Variants in SPATA17 observed in about 807,000 individuals in gnomAD.
SPATA17 encodes the protein spermatogenesis-associated protein 17.
SPATA17 carries 53 observed loss-of-function variants against 62.2 expected under a neutral mutation model. That is an observed-to-expected ratio of 0.85 (90% CI 0.68 to 1.07). The LOEUF (loss-of-function observed/expected upper bound fraction) is 1.07, where lower values mean the gene tolerates loss of function less well. Among genes scored for constraint, SPATA17 ranks in the 50% least tolerant of loss-of-function variants. SPATA17 has a pLI of 0.00. For missense variants in SPATA17, 466 were observed against 425.5 expected (o/e 1.10, Z -0.84); for synonymous variants, 146 against 146.8 (o/e 0.99, Z 0.04).
At chr1:217,865,326 A>T (rs996201468) in intron 10 of SPATA17, among the ~76,000 whole-genome samples, 7 of 152,210 alleles carry the variant, frequency 4.6e-5, no homozygotes, top group African/African-American at 1.7e-4. Flanking sequence ...CATCAGTCCG[A>T]TTAGAAATAG....
At chr1:217,665,973 T>C (rs1670685667) in intron 3 of SPATA17, among the ~76,000 whole-genome samples, 1 of 152,194 alleles carries the variant, frequency 6.6e-6, no homozygotes, top group African/African-American at 2.4e-5. Context: ...CTGATGTAAA[T>C]GCAAGACATC....
At chr1:217,647,953 C>T (rs1670226784) in intron 1 of SPATA17, among the ~76,000 whole-genome samples, 1 of 152,036 alleles carries the variant, frequency 6.6e-6, no homozygotes, top group Non-Finnish European at 1.5e-5. Context: ...GAAATCCTGA[C>T]CTCAGATGAT....
intron 6 of SPATA17, among the ~76,000 whole-genome samples, chr1:217,746,288 T>C (rs1217690209): frequency 6.6e-6 from 1 of 152,008 alleles, no homozygotes; most frequent in African/African-American, 2.4e-5. Flanking sequence ...AAAAGCTTTA[T>C]TGATCTGCTT....
intron 3 of SPATA17, among the ~76,000 whole-genome samples, chr1:217,657,104 G>C (rs866078417): frequency 6.6e-6 from 1 of 152,102 alleles, no homozygotes; most frequent in Non-Finnish European, 1.5e-5. Context: ...AATCCTTAGA[G>C]GACTCTATGG....
At chr1:217,831,794 T>C (rs1675148969) in intron 9 of SPATA17, among the ~76,000 whole-genome samples, 1 of 152,170 alleles carries the variant, frequency 6.6e-6, no homozygotes, top group Non-Finnish European at 1.5e-5. Context: ...ACATTTATTA[T>C]GGCAGTAATG....
chr1:217,807,545 C>T (rs912949276), intron 9 of SPATA17, among the ~76,000 whole-genome samples: 1 of 151,994 alleles, frequency 6.6e-6, no homozygotes, highest in African/African-American at 2.4e-5. Flanking sequence ...TATGGCTCAT[C>T]GTATTATGTT....
intron 3 of SPATA17, among the ~76,000 whole-genome samples, chr1:217,664,921 T>C (rs887971614): frequency 6.6e-6 from 1 of 152,010 alleles, no homozygotes; most frequent in Admixed American, 6.6e-5. Flanking sequence ...AGATAGGATT[T>C]GGACAGCTAA....
intron 5 of SPATA17, among the ~76,000 whole-genome samples, chr1:217,726,779 T>C (rs1396009051): frequency 1.3e-5 from 2 of 152,132 alleles, no homozygotes; most frequent in Non-Finnish European, 2.9e-5. Context: ...ACATATTCAT[T>C]GTCTTTCCTA....
chr1:217,797,952 C>T (rs1197217368), intron 8 of SPATA17, among the ~76,000 whole-genome samples: 1 of 152,176 alleles, frequency 6.6e-6, no homozygotes, highest in Non-Finnish European at 1.5e-5. Context: ...TGACCCCTAG[C>T]AGCCCATCCT....
chr1:217,680,693 G>T (rs1042838077), intron 4 of SPATA17, among the ~76,000 whole-genome samples: 32 of 152,080 alleles, frequency 2.1e-4, no homozygotes, highest in African/African-American at 7.0e-4. Flanking sequence ...GGGAGGCCAA[G>T]GCGGGAGGAT....
In SPATA17 at chr1:217,761,581, G is replaced by A. The variant is rs115098863; in HGVS notation, c.520-12753G>A. Among the ~76,000 whole-genome samples the A allele has an allele frequency of 7.6e-3, 1,157 of 152,272 alleles. 11 individuals are homozygous for A. The highest frequency in any genetic ancestry group is 0.026 in the African/African-American group (1,090 of 41,530). ...GAAGAGCAGGAATCAGTCTTGAGAG[G>A]TTGCAGATAAAGGAGATCAATGAAG... On this transcript the variant is annotated intron_variant, in intron 6 of 10. Coordinates refer to ENST00000366933, the MANE Select transcript of SPATA17 (RefSeq NM_138796.4).
At chr1:217,783,402 A>C (rs116195480) in intron 8 of SPATA17, among the ~76,000 whole-genome samples, 234 of 152,128 alleles carry the variant, frequency 1.5e-3, no homozygotes, top group African/African-American at 5.4e-3. Flanking sequence ...CTTTATAGCA[A>C]TTACTTGAAG....
At chr1:217,736,137 A>G (rs913258731) in intron 5 of SPATA17, among the ~76,000 whole-genome samples, 1 of 152,174 alleles carries the variant, frequency 6.6e-6, no homozygotes, top group African/African-American at 2.4e-5. Context: ...CAAGGAAAAG[A>G]AAATCTGCAA....
At chr1:217,711,538 C>A (rs1441887779) in intron 5 of SPATA17, among the ~76,000 whole-genome samples, 2 of 152,140 alleles carry the variant, frequency 1.3e-5, no homozygotes, top group East Asian at 3.8e-4. Context: ...GTTGCTTAAT[C>A]TTAACAGAAA....
intron 7 of SPATA17, among the ~76,000 whole-genome samples, chr1:217,781,640 AAAAT>A (rs1330386354): frequency 6.6e-6 from 1 of 152,216 alleles, no homozygotes; most frequent in Non-Finnish European, 1.5e-5. Flanking sequence ...AATAACATTT[AAAAT>A]AAATAAAAGT....
At chr1:217,747,808 TCA>T (rs1337921893) in intron 6 of SPATA17, among the ~76,000 whole-genome samples, 1 of 152,182 alleles carries the variant, frequency 6.6e-6, no homozygotes, top group African/African-American at 2.4e-5. Flanking sequence ...ATGTTTTTCC[TCA>T]CTCATCACTA....
At chr1:217,833,630 T>G (rs558876621) in intron 9 of SPATA17, among the ~76,000 whole-genome samples, 3 of 152,172 alleles carry the variant, frequency 2.0e-5, no homozygotes, top group Admixed American at 1.3e-4. Flanking sequence ...TATGCGGAGT[T>G]TGATTTAATA....
intron 9 of SPATA17, among the ~76,000 whole-genome samples, chr1:217,853,025 T>G (rs1675699751): frequency 2.0e-5 from 3 of 152,204 alleles, no homozygotes. Context: ...AATTTTTGCA[T>G]GACTGGTTCA....
chr1:217,748,392 T>A (rs916586971), intron 6 of SPATA17, among the ~76,000 whole-genome samples: 2 of 152,034 alleles, frequency 1.3e-5, no homozygotes, highest in South Asian at 2.1e-4. Flanking sequence ...AAATCTTTTT[T>A]AAAAAAATTA....
Sources: gnomAD v4.1 joint callset for allele counts (sites outside exome capture counted in the v4.1 genomes callset) on GRCh38, gnomAD v4.1.1 for gene constraint, MANE v1.5 for transcripts, NCBI Gene and HGNC (gene_info 2026-07-23, HGNC 2026-07-21) for gene names.